The following AFDN variants were observed in gnomAD, a reference collection of about 807,000 sequenced individuals.
AFDN encodes afadin.
AFDN carries 68 observed loss-of-function variants against 216.6 expected under a neutral mutation model. The observed-to-expected ratio is 0.31, with a 90% CI of 0.26 to 0.38. The LOEUF is 0.38. Ranked by LOEUF, AFDN falls within the 10% of genes least tolerant of loss-of-function variation. AFDN has a pLI of 1.00. For synonymous variants in AFDN, 868 were observed against 853.7 expected, an observed-to-expected ratio of 1.02 and a Z score of -0.29; for missense variants, 2,136 against 2,342.0, an observed-to-expected ratio of 0.91 and a Z score of 1.82.
intron 1 of AFDN, among the ~76,000 whole-genome samples, chr6:167,833,729 C>A (rs1016108423): frequency 6.6e-5 from 10 of 152,068 alleles, no homozygotes; most frequent in Non-Finnish European, 1.3e-4. Flanking sequence ...TCTTTGACTT[C>A]GGTTCTGTAT....
At chr6:167,880,289 T>A in intron 5 of AFDN, 71 bp from the exon 6 acceptor site, 2 of 1,435,484 alleles carry the variant, frequency 1.4e-6, no homozygotes, top group Non-Finnish European at 1.9e-6. Context: ...CTCAAGTGAC[T>A]GTAAATGTTA....
chr6:167,914,352 A>C, intron 17 of AFDN, 39 bp downstream of exon 17: 1 of 1,593,032 alleles, frequency 6.3e-7, no homozygotes, highest in South Asian at 1.1e-5. Context: ...TACTCTAAAT[A>C]ATTAAGTCAT....
chr6:167,829,737 C>T (rs1310047043), intron 1 of AFDN, among the ~76,000 whole-genome samples: 1 of 151,764 alleles, frequency 6.6e-6, no homozygotes, highest in African/African-American at 2.4e-5. Flanking sequence ...CTTCATTAAT[C>T]ATCTATGATT....
rs764520579 is a variant in AFDN at position 167,907,287 on chromosome 6, C to A, written c.1767C>A (p.Ser589Arg). The change falls in exon 13 of 34, where the codon AGC becomes AGA. Residue 589 changes from serine to arginine, a missense_variant and splice_region_variant. Around this residue, in one of 8 missense-constraint regions of AFDN, gnomAD observed 817 missense variants for 965.7 expected, o/e 0.85. Transcript: ENST00000683244. The stretch of plus-strand genomic sequence containing the variant: ...AGCCAGATTATCGCAGGCAAGAAAG[C>A]AGGTAGGAAACACATCATTTTTCAA... ...EQQPDYRRQESRTQDASGPEL... is the reference protein window; with the variant it reads ...EQQPDYRRQERRTQDASGPEL... 11 of 1,610,930 alleles carry A rather than the reference C, an allele frequency of 6.8e-6. No individual in the cohort carries two copies. The African/African-American group carries it at 1.5e-4, about 22-fold the overall frequency.
chr6:167,878,147 C>T (rs1215476693), intron 5 of AFDN, among the ~76,000 whole-genome samples: 4 of 151,584 alleles, frequency 2.6e-5, no homozygotes, highest in East Asian at 1.9e-4. Context: ...GGTTTTTTAG[C>T]GCGCAGTCTT....
At chr6:167,963,102 A>G (rs986213340) in intron 31 of AFDN, 1 of 1,068,078 alleles carries the variant, frequency 9.4e-7, no homozygotes, top group South Asian at 4.5e-5. Flanking sequence ...TAAATATCCT[A>G]AGTTATTTAT....
At chr6:167,923,649 G>C (rs1027006248) in intron 22 of AFDN, among the ~76,000 whole-genome samples, 3 of 119,792 alleles carry the variant, frequency 2.5e-5, no homozygotes, top group African/African-American at 9.6e-5. Context: ...TTTTGAGACA[G>C]AGTCTCGCTC....
intron 11 of AFDN, among the ~76,000 whole-genome samples, chr6:167,901,382 G>C (rs556835726): frequency 1.3e-5 from 2 of 152,252 alleles, no homozygotes; most frequent in Non-Finnish European, 2.9e-5. Context: ...TTGTGCTGAA[G>C]AATGTAGTCG....
intron 6 of AFDN, among the ~76,000 whole-genome samples, chr6:167,886,671 C>T (rs763599213): frequency 3.3e-5 from 5 of 151,880 alleles, no homozygotes; most frequent in African/African-American, 4.8e-5. Context: ...TTAAGTGGTC[C>T]GTATACTTAG....
chr6:167,856,790 T>G (rs1483490465), intron 1 of AFDN, among the ~76,000 whole-genome samples: 1 of 152,086 alleles, frequency 6.6e-6, no homozygotes, highest in East Asian at 1.9e-4. Flanking sequence ...ACTTTCAATT[T>G]GTGAAAAAGG....
intron 18 of AFDN, among the ~76,000 whole-genome samples, 188 bp downstream of exon 18, chr6:167,914,926 T>C (rs1790852004): frequency 6.6e-6 from 1 of 152,254 alleles, no homozygotes; most frequent in Admixed American, 6.5e-5. Context: ...TGGTGTGTCA[T>C]GCTGGCCATA....
chr6:167,948,044 G>A, intron 28 of AFDN, 100 bp downstream of exon 28: 4 of 906,472 alleles, frequency 4.4e-6, no homozygotes, highest in Non-Finnish European at 6.8e-6. Context: ...CTCTGAATTA[G>A]CATTGATTAT....
chr6:167,955,438 A>G (rs983116099), intron 30 of AFDN, among the ~76,000 whole-genome samples: 2 of 152,094 alleles, frequency 1.3e-5, no homozygotes, highest in Non-Finnish European at 2.9e-5. Context: ...TTTAAAAGTT[A>G]TACATTTTTC....
In AFDN at chr6:167,911,603, T is replaced by C. The variant is rs900374306; in HGVS notation, c.2037+114T>C. 3.2e-5 allele frequency: 29 copies of C among 911,494 alleles called. No individual in the cohort carries two copies. The African/African-American group carries it at 4.7e-4, about 15-fold the overall frequency. 56.5% of individuals were successfully genotyped at this position (911,494 alleles called of 1,614,324 possible). On this transcript the variant is annotated intron_variant, in intron 15 of 33. Coordinates refer to ENST00000683244, the MANE Select transcript of AFDN (RefSeq NM_001386888.1). ...TTGGTTACAAGATTTTTTTCTAAAA[T>C]AAAAGTTATGTAAATATTGTAGGAA...
At chr6:167,938,706 C>G (rs1444543156) in intron 23 of AFDN, among the ~76,000 whole-genome samples, 1 of 152,084 alleles carries the variant, frequency 6.6e-6, no homozygotes, top group Non-Finnish European at 1.5e-5. Context: ...TCAGCTTGCA[C>G]GTTGGCTGTC....
intron 1 of AFDN, among the ~76,000 whole-genome samples, chr6:167,860,081 C>G (rs1363697776): frequency 1.3e-5 from 2 of 148,506 alleles, no homozygotes; most frequent in African/African-American, 2.5e-5. Context: ...CTTACCTATT[C>G]TAAATAGAAA....
intron 23 of AFDN, chr6:167,932,559 T>C (rs948895549): frequency 6.6e-6 from 1 of 152,226 alleles, no homozygotes; most frequent in African/African-American, 2.4e-5. Context: ...GAATATTGCA[T>C]TGGTTCTAGG....
At position 167,947,551 on chromosome 6, in the gene AFDN, C is replaced by T. The variant is rs192630109; in HGVS notation, c.3554-302C>T. Among the ~76,000 whole-genome samples the T allele has an allele frequency of 2.6e-5, 4 of 152,314 alleles. No homozygotes were observed. In the East Asian group the frequency reaches 7.7e-4, roughly 29 times the overall value. Reference sequence around the variant, plus strand: ...TAATAGAAGGATATGCAGCAGGAGACAAAGGCTCACAAAGCCTAAAGTATT... The same window carrying T: ...TAATAGAAGGATATGCAGCAGGAGATAAAGGCTCACAAAGCCTAAAGTATT... On this transcript the variant is annotated intron_variant, in intron 27 of 33. Transcript: ENST00000683244.
At chr6:167,927,041 C>T (rs1309154392) in intron 23 of AFDN, among the ~76,000 whole-genome samples, 6 of 152,158 alleles carry the variant, frequency 3.9e-5, no homozygotes, top group African/African-American at 1.4e-4. Context: ...ACAACTCTCA[C>T]TGAATTAGCT....
Sources: gnomAD v4.1 joint callset for allele counts (sites outside exome capture counted in the v4.1 genomes callset) on GRCh38, gnomAD v4.1.1 for gene constraint, gnomAD v4.1.1 regional missense constraint, MANE v1.5 for transcripts, NCBI Gene and HGNC (gene_info 2026-07-23, HGNC 2026-07-21) for gene names.